Variants in WDR37 observed in about 807,000 individuals in gnomAD.
The protein encoded by WDR37 is WD repeat-containing protein 37.
Under a neutral mutation model 62.9 loss-of-function variants are expected in WDR37, and 19 were observed. That is an observed-to-expected ratio of 0.30 (90% CI 0.21 to 0.44). WDR37 has a LOEUF of 0.44. Among genes scored for constraint, WDR37 ranks in the 20% least tolerant of loss-of-function variants. The pLI, the probability that WDR37 is intolerant of heterozygous loss-of-function variation, is 1.00. For missense variants in WDR37, 474 were observed against 657.6 expected (o/e 0.72, Z 3.05); for synonymous variants, 250 against 260.9 (o/e 0.96, Z 0.40).
At position 1,115,557 on chromosome 10, in the gene WDR37, C is replaced by T. The variant is rs758147431; in HGVS notation, c.1104-8661C>T. On this transcript the variant is annotated intron_variant, in intron 11 of 13. Transcript: ENST00000263150. ...TTAAAGGGAAAAGATGTTTGGAAATCGACATTTTTAACTGGATGATGGGCA... is the reference window on the plus strand; with the variant it reads ...TTAAAGGGAAAAGATGTTTGGAAATTGACATTTTTAACTGGATGATGGGCA... 7.2e-5 allele frequency among the ~76,000 whole-genome samples: 11 copies of T among 152,286 alleles called. No individual in the cohort carries two copies. In the South Asian group the frequency reaches 8.3e-4, roughly 11 times the overall value.
rs181518337 is a variant in WDR37 at position 1,130,615 on chromosome 10, A to G, written c.*1271A>G. 1.5e-4 allele frequency: 23 copies of G among 152,340 alleles called. 1 individual carries two copies. The Middle Eastern group carries it at 0.014, about 90-fold the overall frequency. The allele number at this position is 152,340 out of a possible 1,614,324, so 9.4% of individuals were successfully genotyped here. A position where few individuals can be genotyped will look rare whatever the true frequency, so the allele number is the denominator to read the frequency against. On this transcript the variant is annotated 3_prime_UTR_variant, in exon 14 of 14. Transcript: ENST00000263150. ...GAGGCTCTCATTTCCTGTGTCTTGT[A>G]TATTCAGTCCTTTCAATACGTCCAC...
At chr10:1,064,036 C>T (rs1402872495) in intron 1 of WDR37, among the ~76,000 whole-genome samples, 1 of 152,000 alleles carries the variant, frequency 6.6e-6, no homozygotes, top group Non-Finnish European at 1.5e-5. Flanking sequence ...CTTAAAGCAG[C>T]GATTGTAGAA....
At chr10:1,070,657 A>G (rs1833699764) in intron 1 of WDR37, among the ~76,000 whole-genome samples, 1 of 152,238 alleles carries the variant, frequency 6.6e-6, no homozygotes, top group Non-Finnish European at 1.5e-5. Context: ...AGAATGCTTA[A>G]TAAACTGAAT....
chr10:1,112,408 T>A (rs1166356215), intron 11 of WDR37, among the ~76,000 whole-genome samples: 1 of 152,200 alleles, frequency 6.6e-6, no homozygotes, highest in Admixed American at 6.5e-5. Context: ...TCCTAATGCC[T>A]CTGACTTCAT....
intron 2 of WDR37, among the ~76,000 whole-genome samples, chr10:1,073,534 A>C (rs1435083889): frequency 1.3e-5 from 2 of 152,256 alleles, no homozygotes; most frequent in African/African-American, 4.8e-5. Flanking sequence ...ATTTTAACTT[A>C]GTGTTCAAAA....
chr10:1,062,576 G>A (rs549401620), intron 1 of WDR37, among the ~76,000 whole-genome samples: 3 of 152,232 alleles, frequency 2.0e-5, no homozygotes, highest in Admixed American at 2.0e-4. Flanking sequence ...TTTTGATGTG[G>A]TTTCTTTTTT....
At chr10:1,108,742 C>CCT (rs1564509815) in intron 11 of WDR37, among the ~76,000 whole-genome samples, 1 of 131,738 alleles carries the variant, frequency 7.6e-6, no homozygotes, top group African/African-American at 3.0e-5. Flanking sequence ...CTGTGATGCC[C>CCT]CCCCCCCCCG....
In WDR37 at chr10:1,131,806, C is replaced by G. The variant is rs568940755; in HGVS notation, c.*2462C>G. 6.6e-6 allele frequency: 1 copy of G among 152,226 alleles called. No individual in the cohort carries two copies. Among genetic ancestry groups the G allele is most frequent in the South Asian group, 2.1e-4 (1 of 4,828 alleles). The allele number at this position is 152,226 out of a possible 1,614,324, so 9.4% of individuals were successfully genotyped here. A position where few individuals can be genotyped will look rare whatever the true frequency, so the allele number is the denominator to read the frequency against. On this transcript the variant is annotated 3_prime_UTR_variant, in exon 14 of 14. Transcript: ENST00000263150. ...AGTGGGAACAGTTTTGTCCTGTATG[C>G]TGATGTGTCCAGAATTTCATTTAAT...
chr10:1,058,800 C>T (rs1833281056), intron 1 of WDR37, among the ~76,000 whole-genome samples: 1 of 152,234 alleles, frequency 6.6e-6, no homozygotes. Flanking sequence ...AGGAATTCGT[C>T]TAACAGTGTT....
At chr10:1,106,085 G>A (rs979629618) in intron 11 of WDR37, among the ~76,000 whole-genome samples, 14 of 152,054 alleles carry the variant, frequency 9.2e-5, no homozygotes, top group Admixed American at 2.6e-4. Flanking sequence ...GCGCCCAGCC[G>A]TGTAAGGTCT....
chr10:1,074,478 T>G, intron 2 of WDR37: 1 of 1,304,478 alleles, frequency 7.7e-7, no homozygotes, highest in Non-Finnish European at 1.0e-6. Context: ...CAATGAGCAG[T>G]GATTCGGAGT....
intron 11 of WDR37, among the ~76,000 whole-genome samples, chr10:1,114,687 C>A (rs1279405578): frequency 1.3e-5 from 2 of 152,248 alleles, no homozygotes; most frequent in African/African-American, 4.8e-5. Flanking sequence ...CCGAGATTGC[C>A]TGTGTTTGTC....
chr10:1,105,595 A>G lies in WDR37; in HGVS notation c.1103+328A>G, dbSNP rs1834978181. On this transcript the variant is annotated intron_variant, in intron 11 of 13. Coordinates refer to ENST00000263150, the MANE Select transcript of WDR37 (RefSeq NM_014023.4). This position sits in a 1 kb window ranked among gnomAD's most constrained non-coding sequence, Gnocchi z 5.3. ...GAGCACAGGGGCCGGCCACGCCACCATAGGAGCCGCGGGAGCTGTTACTCC... is the reference window on the plus strand; with the variant it reads ...GAGCACAGGGGCCGGCCACGCCACCGTAGGAGCCGCGGGAGCTGTTACTCC... 6.6e-6 allele frequency among the ~76,000 whole-genome samples: 1 copy of G among 152,196 alleles called. No individual in the cohort carries two copies. The highest frequency in any genetic ancestry group is 2.4e-5 in the African/African-American group (1 of 41,436).
rs372758011 is a variant in WDR37, at chr10:1,126,384, C to T, written c.1353+1360C>T. ...TCGCGCCACTGCACTCCAGCCTGGG[C>T]GACAGAGCGAGACTGTGTCTCAGAA... On this transcript the variant is annotated intron_variant, in intron 13 of 13. Transcript: ENST00000263150. Among the ~76,000 whole-genome samples, 891 of 146,736 alleles carry T rather than the reference C, an allele frequency of 6.1e-3. 7 individuals are homozygous for T. The highest frequency in any genetic ancestry group is 8.5e-3 in the Non-Finnish European group (570 of 66,880).
intron 11 of WDR37, among the ~76,000 whole-genome samples, chr10:1,112,345 CGT>C (rs1835243229): frequency 6.6e-6 from 1 of 152,212 alleles, no homozygotes; most frequent in South Asian, 2.1e-4. Context: ...GTCGATAAAT[CGT>C]GTGTGTTCCG....
At chr10:1,093,081 CT>C (rs1834455548) in intron 7 of WDR37, among the ~76,000 whole-genome samples, 1 of 151,974 alleles carries the variant, frequency 6.6e-6, no homozygotes, top group South Asian at 2.1e-4. Context: ...TGGGGCGGGG[CT>C]TATGGTAATA....
At chr10:1,104,920 C>T (rs1271816160) in intron 10 of WDR37, among the ~76,000 whole-genome samples, 1 of 152,212 alleles carries the variant, frequency 6.6e-6, no homozygotes, top group African/African-American at 2.4e-5. Flanking sequence ...GTTTGGTTTT[C>T]TGTTCCTTTG....
At chr10:1,114,256 C>A (rs1835314912) in intron 11 of WDR37, among the ~76,000 whole-genome samples, 1 of 152,078 alleles carries the variant, frequency 6.6e-6, no homozygotes, top group African/African-American at 2.4e-5. Flanking sequence ...CATGCCTGGC[C>A]CCAGTAAAAT....
In WDR37 at chr10:1,105,365, ACT is replaced by A; in HGVS notation, c.1103+101_1103+102del. The A allele has an allele frequency of 1.4e-6, 2 of 1,412,920 alleles. No individual in the cohort carries two copies. Among genetic ancestry groups the A allele is most frequent in the South Asian group, 1.3e-5 (1 of 74,778 alleles). 87.5% of individuals were successfully genotyped at this position (1,412,920 alleles called of 1,614,324 possible). A position where few individuals can be genotyped will look rare whatever the true frequency, so the allele number is the denominator to read the frequency against. On this transcript the variant is annotated intron_variant, in intron 11 of 13. Coordinates refer to ENST00000263150, the MANE Select transcript of WDR37 (RefSeq NM_014023.4). The surrounding 1 kb of genome is among the most constrained non-coding windows in gnomAD (Gnocchi z 5.3). ...CTAGCCTTAATTTTCAGTATTTCCGACTCTACTATCTTTCAAAAAAATAACTA... is the reference window on the plus strand; with the variant it reads ...CTAGCCTTAATTTTCAGTATTTCCGACTACTATCTTTCAAAAAAATAACTA...
Sources: allele counts gnomAD v4.1 joint callset (sites outside exome capture counted in the v4.1 genomes callset), GRCh38; gene constraint gnomAD v4.1.1; non-coding constraint Gnocchi (gnomAD v3.1); transcripts MANE v1.5; gene names NCBI Gene and HGNC (gene_info 2026-07-23, HGNC 2026-07-21).